Variants in DAPK1 observed in about 807,000 individuals in gnomAD.
DAPK1 encodes the protein death-associated protein kinase 1.
A neutral mutation model predicts 144.9 loss-of-function variants in DAPK1; 56 were observed. That is an observed-to-expected ratio of 0.39 (90% CI 0.31 to 0.48). DAPK1 has a LOEUF of 0.48. Ranked by LOEUF, DAPK1 falls within the 20% of genes least tolerant of loss-of-function variation. DAPK1 has a pLI of 0.95. For synonymous variants in DAPK1, 690 were observed against 749.0 expected (o/e 0.92, Z 1.29); for missense variants, 1,454 against 1,875.4 (o/e 0.78, Z 4.15).
At chr9:87,619,292 G>A (rs1029385565) in intron 3 of DAPK1, among the ~76,000 whole-genome samples, 2 of 152,166 alleles carry the variant, frequency 1.3e-5, no homozygotes, top group African/African-American at 4.8e-5. Context: ...TGTCTCTCCT[G>A]CAGTGGACTG....
At chr9:87,687,356 T>G (rs1233383153) in intron 21 of DAPK1, among the ~76,000 whole-genome samples, 1 of 152,226 alleles carries the variant, frequency 6.6e-6, no homozygotes, top group Non-Finnish European at 1.5e-5. Flanking sequence ...TCAACTTTTT[T>G]AGCTCCCACA....
At chr9:87,633,402 G>C in intron 3 of DAPK1, 4 of 985,100 alleles carry the variant, frequency 4.1e-6, no homozygotes, top group Non-Finnish European at 4.8e-6. Context: ...GGCATCAGTT[G>C]ATAAGTCCTG....
At chr9:87,499,175 G>A in intron 2 of DAPK1, 36 bp downstream of exon 2, 1 of 1,570,194 alleles carries the variant, frequency 6.4e-7, no homozygotes, top group East Asian at 2.2e-5. Context: ...CTCCTGGATT[G>A]TGGAAATGCA....
intron 2 of DAPK1, among the ~76,000 whole-genome samples, chr9:87,516,020 CAG>C (rs1333579448): frequency 6.6e-6 from 1 of 152,152 alleles, no homozygotes; most frequent in African/African-American, 2.4e-5. Flanking sequence ...GAACACAAAG[CAG>C]AGAGTTGTAC....
chr9:87,549,437 T>TG (rs1271389157), intron 2 of DAPK1, among the ~76,000 whole-genome samples: 5 of 152,134 alleles, frequency 3.3e-5, no homozygotes, highest in African/African-American at 1.2e-4. Flanking sequence ...ACAATTTGTA[T>TG]GGGGGGGTTA....
chr9:87,674,514 CAAAAAAAA>C (rs35817698), intron 19 of DAPK1, among the ~76,000 whole-genome samples: 1,338 of 67,652 alleles, frequency 0.02, 20 homozygotes, highest in African/African-American at 0.075. Context: ...GACTCTGTCT[CAAAAAAAA>C]AAAAAAAAAA....
chr9:87,646,640 A>C (rs1360765175), intron 13 of DAPK1, 81 bp downstream of exon 13: 4 of 1,059,160 alleles, frequency 3.8e-6, no homozygotes, highest in African/African-American at 1.6e-5. Flanking sequence ...CAGAGGAAAA[A>C]AATTTATGTC....
intron 18 of DAPK1, among the ~76,000 whole-genome samples, chr9:87,667,332 C>G (rs956872220): frequency 6.6e-6 from 1 of 152,220 alleles, no homozygotes; most frequent in Non-Finnish European, 1.5e-5. Context: ...TGGGCTTCAA[C>G]CGGCAGCCTA....
At chr9:87,544,742 G>C (rs971203943) in intron 2 of DAPK1, among the ~76,000 whole-genome samples, 1 of 152,156 alleles carries the variant, frequency 6.6e-6, no homozygotes, top group African/African-American at 2.4e-5. Flanking sequence ...GGGAACAAGG[G>C]ACAGCTGGAA....
rs777288138 is a variant in DAPK1 at position 87,645,901 on chromosome 9, G to A, written c.1018G>A (p.Glu340Lys). Residue 340 changes from glutamate (E) to lysine (K), a missense_variant, in exon 12 of 26, where the codon GAA (glutamate) becomes AAA (lysine). Glu to Lys is a moderately conservative substitution (Grantham distance 56). This residue lies in a region of DAPK1 where 429 missense variants were observed against 637.5 expected (regional missense o/e 0.67). Coordinates refer to ENST00000408954, the MANE Select transcript of DAPK1 (RefSeq NM_004938.4). ...VARSDDTLDE[E>K]DSFVMKAIIH... ...CTTGGCTGTCTCTCTCAAGGATGAG[G>A]AAGACTCCTTTGTGATGAAAGCCAT... 4.3e-6 allele frequency: 7 copies of A among 1,613,844 alleles called. No individual in the cohort carries two copies. Among genetic ancestry groups the A allele is most frequent in the Non-Finnish European group, 5.9e-6 (7 of 1,179,910 alleles).
intron 2 of DAPK1, among the ~76,000 whole-genome samples, chr9:87,513,867 G>A (rs535624214): frequency 6.6e-6 from 1 of 152,232 alleles, no homozygotes; most frequent in African/African-American, 2.4e-5. Context: ...TCTCAACCTC[G>A]GCATTAGTGA....
intron 2 of DAPK1, among the ~76,000 whole-genome samples, chr9:87,509,655 C>G (rs949216500): frequency 2.0e-5 from 3 of 152,176 alleles, no homozygotes; most frequent in Non-Finnish European, 2.9e-5. Flanking sequence ...CCACCGCGCC[C>G]GGCCATCCTG....
At chr9:87,626,731 G>A (rs1048452994) in intron 3 of DAPK1, among the ~76,000 whole-genome samples, 2 of 152,192 alleles carry the variant, frequency 1.3e-5, no homozygotes, top group African/African-American at 4.8e-5. Context: ...TAGACCTTCA[G>A]GTGAACATTA....
intron 2 of DAPK1, among the ~76,000 whole-genome samples, chr9:87,500,688 C>T (rs1401592313): frequency 2.0e-5 from 3 of 151,824 alleles, no homozygotes; most frequent in Non-Finnish European, 2.9e-5. Context: ...CTGTGGTTGG[C>T]GAAGGGAGTT....
intron 20 of DAPK1, among the ~76,000 whole-genome samples, chr9:87,683,085 A>ATT (rs1554704267): frequency 7.1e-5 from 8 of 112,590 alleles, no homozygotes; most frequent in Non-Finnish European, 1.2e-4. Flanking sequence ...TATTTTATTT[A>ATT]TTTTTTTTTT....
chr9:87,498,967 A>G lies in DAPK1; in HGVS notation c.-108-3A>G, dbSNP rs2117962951. ...ATTATTGCCTTTTTTTTTTCTTCAA[A>G]AGGACTGGAGACTGATGCATGAGGG... On this transcript the variant is annotated splice_polypyrimidine_tract_variant and splice_region_variant and intron_variant, in intron 1 of 25. Coordinates refer to ENST00000408954, the MANE Select transcript of DAPK1 (RefSeq NM_004938.4). 3.9e-6 allele frequency: 3 copies of G among 771,930 alleles called. No individual in the cohort carries two copies. The highest frequency in any genetic ancestry group is 6.6e-6 in the Non-Finnish European group (3 of 454,522). 47.8% of individuals were successfully genotyped at this position (771,930 alleles called of 1,614,324 possible).
At chr9:87,519,996 TTG>T (rs1825235524) in intron 2 of DAPK1, among the ~76,000 whole-genome samples, 1 of 147,742 alleles carries the variant, frequency 6.8e-6, no homozygotes. Flanking sequence ...CTTTTTTTTG[TTG>T]TTGTTAATAA....
chr9:87,563,338 G>A (rs770042998), intron 2 of DAPK1, among the ~76,000 whole-genome samples: 14 of 152,180 alleles, frequency 9.2e-5, no homozygotes, highest in Non-Finnish European at 1.9e-4. Flanking sequence ...CTCCTTGAAT[G>A]CTTTTGAATT....
intron 2 of DAPK1, among the ~76,000 whole-genome samples, chr9:87,604,311 A>G (rs569817972): frequency 2.0e-5 from 3 of 152,266 alleles, no homozygotes; most frequent in Non-Finnish European, 1.5e-5. Context: ...CATGATCCGT[A>G]TTTACAGTTG....
Sources: allele counts gnomAD v4.1 joint callset (sites outside exome capture counted in the v4.1 genomes callset), GRCh38; gene constraint gnomAD v4.1.1; regional missense constraint gnomAD v4.1.1; transcripts MANE v1.5; gene names NCBI Gene and HGNC (gene_info 2026-07-23, HGNC 2026-07-21).